Variants in SEC24A observed in about 807,000 individuals in gnomAD.
The protein encoded by SEC24A is protein transport protein Sec24A.
Under a neutral mutation model 129.4 loss-of-function variants are expected in SEC24A, and 93 were observed. That is an observed-to-expected ratio of 0.72 (90% CI 0.61 to 0.85). The LOEUF is 0.85. Among genes scored for constraint, SEC24A ranks in the 40% least tolerant of loss-of-function variants. The pLI, the probability that SEC24A is intolerant of heterozygous loss-of-function variation, is 0.00. For missense variants in SEC24A, 1,264 were observed against 1,307.4 expected, an observed-to-expected ratio of 0.97 and a Z score of 0.51; for synonymous variants, 460 against 467.3, an observed-to-expected ratio of 0.98 and a Z score of 0.20.
At chr5:134,705,090 A>ATATATATATTTTTT (rs1180461537) in intron 16 of SEC24A, among the ~76,000 whole-genome samples, 8 of 123,308 alleles carry the variant, frequency 6.5e-5, no homozygotes, top group African/African-American at 1.8e-4. Flanking sequence ...ATATATATAT[A>ATATATATATTTTTT]TTTTTTTTTT....
Position 134,697,223 on chromosome 5 carries a change from A to C in SEC24A, c.2084A>C (p.Gln695Pro). The C allele has an allele frequency of 6.2e-7, 1 of 1,601,256 alleles. No homozygotes were observed. The highest frequency in any genetic ancestry group is 8.5e-7 in the Non-Finnish European group (1 of 1,170,852). ...VAVDLFLLSG[Q>P]YSDLASLGCI... ...GTTGACTTATTCCTTCTCAGTGGAC[A>C]GTATTCTGATTTGGCTTCTCTGGGT... Residue 695 changes from glutamine to proline, a missense_variant, in exon 14 of 23, where the codon CAG becomes CCG. By Grantham distance (76) the Gln-to-Pro change is moderately conservative. Transcript: ENST00000398844.
intron 8 of SEC24A, among the ~76,000 whole-genome samples, 181 bp downstream of exon 8, chr5:134,679,909 A>C (rs996050279): frequency 6.6e-6 from 1 of 151,964 alleles, no homozygotes; most frequent in Non-Finnish European, 1.5e-5. Flanking sequence ...AAATTTAATT[A>C]TTTATTTTTT....
chr5:134,712,926 A>ATTTTTT (rs754704811), intron 18 of SEC24A, among the ~76,000 whole-genome samples: 10 of 102,710 alleles, frequency 9.7e-5, no homozygotes, highest in African/African-American at 1.8e-4. Context: ...AAATATTTAA[A>ATTTTTT]TTTTTTTTTT....
intron 19 of SEC24A, 95 bp from the exon 20 acceptor site, chr5:134,717,974 G>A: frequency 6.0e-6 from 5 of 831,740 alleles, no homozygotes; most frequent in Non-Finnish European, 1.0e-5. Flanking sequence ...GCCCAGACTT[G>A]TAGAGGTAAC....
intron 19 of SEC24A, 79 bp downstream of exon 19, chr5:134,715,240 G>A: frequency 8.2e-7 from 1 of 1,220,042 alleles, no homozygotes; most frequent in Non-Finnish European, 1.2e-6. Flanking sequence ...ATGAGGAAGG[G>A]TTTGTTTATT....
chr5:134,666,326 C>T lies in SEC24A; in HGVS notation c.566-497C>T, dbSNP rs182303355. Among the ~76,000 whole-genome samples the T allele has an allele frequency of 7.7e-3, 1,170 of 152,188 alleles. 13 individuals carry two copies. The highest frequency in any genetic ancestry group is 0.027 in the African/African-American group (1,109 of 41,532). On this transcript the variant is annotated intron_variant, in intron 2 of 22. Transcript: ENST00000398844. ...ATCTCAGCACTTTGGGAGGCCAAGG[C>T]GGGCGAATCACCTGAGGTCAGGAGC...
chr5:134,689,301 T>C (rs534219702), intron 11 of SEC24A, among the ~76,000 whole-genome samples: 3 of 152,324 alleles, frequency 2.0e-5, no homozygotes, highest in South Asian at 4.1e-4. Flanking sequence ...TATCACATTA[T>C]GTAGCAATTC....
intron 2 of SEC24A, 89 bp downstream of exon 2, chr5:134,661,675 C>A: frequency 9.9e-7 from 1 of 1,010,662 alleles, no homozygotes; most frequent in Non-Finnish European, 1.4e-6. Flanking sequence ...ACCTGAAAAC[C>A]ATATGGAAAA....
intron 21 of SEC24A, among the ~76,000 whole-genome samples, chr5:134,722,433 C>T (rs1245754495): frequency 3.9e-5 from 6 of 152,028 alleles, no homozygotes; most frequent in Non-Finnish European, 7.4e-5. Context: ...GGTGTGGTGG[C>T]GCACACCTGT....
intron 19 of SEC24A, among the ~76,000 whole-genome samples, chr5:134,715,752 C>G (rs970227640): frequency 6.6e-6 from 1 of 151,590 alleles, no homozygotes; most frequent in Non-Finnish European, 1.5e-5. Context: ...GCTTAAAACC[C>G]AGATGACAGG....
chr5:134,711,864 C>G lies in SEC24A; in HGVS notation c.2727+2976C>G, dbSNP rs369978609. On this transcript the variant is annotated intron_variant, in intron 18 of 22. Coordinates refer to ENST00000398844, the MANE Select transcript of SEC24A (RefSeq NM_021982.3). ...CCAGGTTCACGCCATTCTCCTGCCT[C>G]AGCCTCCCAAGTAGCTGGGACTACA... Among the ~76,000 whole-genome samples, 7 of 152,200 alleles carry G rather than the reference C, an allele frequency of 4.6e-5. No individual in the cohort carries two copies. In the East Asian group the frequency reaches 1.2e-3, roughly 25 times the overall value.
At chr5:134,677,485 T>TTG (rs1561812288) in intron 7 of SEC24A, among the ~76,000 whole-genome samples, 1 of 150,444 alleles carries the variant, frequency 6.6e-6, no homozygotes, top group Non-Finnish European at 1.5e-5. Flanking sequence ...TTTTTTTTTT[T>TTG]AAGAAGCAGA....
chr5:134,690,690 C>G (rs1470206568), intron 11 of SEC24A, among the ~76,000 whole-genome samples: 14 of 152,234 alleles, frequency 9.2e-5, no homozygotes, highest in Admixed American at 7.2e-4. Flanking sequence ...CTCCACCACT[C>G]TCTTCCCAGT....
At chr5:134,672,349 T>C (rs1750895484) in intron 4 of SEC24A, among the ~76,000 whole-genome samples, 2 of 152,220 alleles carry the variant, frequency 1.3e-5, no homozygotes, top group South Asian at 4.1e-4. Context: ...CACCACACCC[T>C]GCTGATTTTT....
At chr5:134,696,886 C>T (rs1422106663) in intron 13 of SEC24A, among the ~76,000 whole-genome samples, 4 of 151,856 alleles carry the variant, frequency 2.6e-5, no homozygotes, top group African/African-American at 4.8e-5. Context: ...CCTTGGCTTC[C>T]CAAAGTGCTA....
chr5:134,717,873 C>T (rs1425206333), intron 19 of SEC24A, among the ~76,000 whole-genome samples, 196 bp from the exon 20 acceptor site: 2 of 152,044 alleles, frequency 1.3e-5, no homozygotes, highest in South Asian at 4.1e-4. Context: ...TGAGATTGTG[C>T]CATTACATTT....
intron 13 of SEC24A, among the ~76,000 whole-genome samples, chr5:134,694,604 G>A (rs1751762055): frequency 6.6e-6 from 1 of 150,956 alleles, no homozygotes; most frequent in Non-Finnish European, 1.5e-5. Flanking sequence ...CTGAGATTGC[G>A]GCACTGCACT....
rs772578320 is a variant in SEC24A at position 134,692,626 on chromosome 5, A to G, written c.1748A>G (p.Asn583Ser). 3 of 1,414,678 alleles carry G rather than the reference A, an allele frequency of 2.1e-6. No individual in the cohort carries two copies. The South Asian group carries it at 3.5e-5, about 17-fold the overall frequency. The allele number at this position is 1,414,678 out of a possible 1,614,324, so 87.6% of individuals were successfully genotyped here. ...IEDVFIPMPE[N>S]LLVNLNESKE... ...GATGTTTTTATACCTATGCCAGAGA[A>G]CTTATTAGTAAACTTAAATGAAAGT... The change falls in exon 12 of 23, where the codon AAC (asparagine) becomes AGC (serine). Residue 583 changes from asparagine (N) to serine (S), a missense_variant. Transcript: ENST00000398844.
chr5:134,719,194 C>T (rs1752562915), intron 20 of SEC24A, among the ~76,000 whole-genome samples: 1 of 151,960 alleles, frequency 6.6e-6, no homozygotes. Flanking sequence ...CCAGCCGGGG[C>T]AACATGGTGA....
Sources: allele counts gnomAD v4.1 joint callset (sites outside exome capture counted in the v4.1 genomes callset), GRCh38; gene constraint gnomAD v4.1.1; transcripts MANE v1.5; gene names NCBI Gene and HGNC (gene_info 2026-07-23, HGNC 2026-07-21).